The following GK variants were observed in gnomAD, a reference collection of about 807,000 sequenced individuals.
GK encodes the protein ATP:glycerol 3-phosphotransferase.
A neutral mutation model predicts 56.4 loss-of-function variants in GK; 9 were observed. The observed-to-expected ratio is 0.16, with a 90% confidence interval of 0.10 to 0.28. The LOEUF is 0.28. Ranked by LOEUF, GK falls within the 10% of genes least tolerant of loss-of-function variation. GK has a pLI of 1.00. For missense variants in GK, 161 were observed against 431.4 expected, an observed-to-expected ratio of 0.37 and a Z score of 5.55; for synonymous variants, 104 against 144.1, an observed-to-expected ratio of 0.72 and a Z score of 1.99.
Position 30,707,495 on chromosome X carries a change from A to G in GK, c.852-61A>G, listed in dbSNP as rs746628080. On this transcript the variant is annotated intron_variant, in intron 11 of 20. Coordinates refer to ENST00000427190, the MANE Select transcript of GK (RefSeq NM_001205019.2). ...GTCAGTTTTGATCATTTGTGTTATT[A>G]ATGTTTCATTATTTGCTTTCAATAA... 1.0e-4 allele frequency: 68 copies of G among 669,430 alleles called. 1 individual carries two copies. The South Asian group carries it at 1.4e-3, about 14-fold the overall frequency. 55.2% of individuals were successfully genotyped at this position (669,430 alleles called of 1,213,427 possible).
At chrX:30,699,298 A>G (rs751257715) in intron 9 of GK, among the ~76,000 whole-genome samples, 1 of 80,370 alleles carries the variant, frequency 1.2e-5, no homozygotes, top group Non-Finnish European at 2.4e-5. Context: ...GTTATACATA[A>G]CATGTATATA....
intron 10 of GK, 70 bp downstream of exon 10, chrX:30,700,519 C>A: frequency 2.3e-6 from 2 of 863,333 alleles, no homozygotes; most frequent in Admixed American, 2.4e-5. Flanking sequence ...CCTCTTAGTT[C>A]ATCAGTGTGC....
chrX:30,711,653 T>G (rs1314479431), intron 13 of GK, among the ~76,000 whole-genome samples: 1 of 111,971 alleles, frequency 8.9e-6, no homozygotes, highest in African/African-American at 3.2e-5. Context: ...CCTGGTGAGT[T>G]TCTCAGTATC....
At chrX:30,686,192 C>T (rs751831666) in intron 4 of GK, among the ~76,000 whole-genome samples, 5 of 112,829 alleles carry the variant, frequency 4.4e-5, no homozygotes, top group Non-Finnish European at 9.4e-5. Context: ...TACTTTTGGC[C>T]CCACCTGTTT....
At chrX:30,653,797 C>T (rs763225057) in intron 1 of GK, among the ~76,000 whole-genome samples, 182 bp downstream of exon 1, 9 of 112,576 alleles carry the variant, frequency 8.0e-5, no homozygotes, top group Non-Finnish European at 1.5e-4. Context: ...TGGGGGACCT[C>T]GGCCTCTCAT....
intron 1 of GK, among the ~76,000 whole-genome samples, chrX:30,663,984 CT>C: frequency 1.2e-5 from 1 of 84,049 alleles, no homozygotes; most frequent in South Asian, 4.6e-4. Context: ...TTATATATAT[CT>C]ATATATATTT....
At chrX:30,726,166 A>G (rs1937120744) in intron 19 of GK, among the ~76,000 whole-genome samples, 1 of 112,214 alleles carries the variant, frequency 8.9e-6, no homozygotes, top group African/African-American at 3.2e-5. Flanking sequence ...AAAAGATATC[A>G]TTGCTCCAAT....
chrX:30,712,717 CTTTTTT>C (rs769269247), intron 13 of GK, among the ~76,000 whole-genome samples: 90 of 48,408 alleles, frequency 1.9e-3, no homozygotes, highest in African/African-American at 8.5e-3. Flanking sequence ...TTTTTCTTTT[CTTTTTT>C]TTTTTTTTTT....
intron 9 of GK, chrX:30,700,037 A>G (rs1935560965): frequency 7.4e-6 from 1 of 135,535 alleles, no homozygotes; most frequent in African/African-American, 3.1e-5. Flanking sequence ...AATAATGGCA[A>G]TAATAGCAAA....
At chrX:30,714,229 G>A (rs915154176) in intron 13 of GK, among the ~76,000 whole-genome samples, 1 of 111,554 alleles carries the variant, frequency 9.0e-6, no homozygotes, top group African/African-American at 3.3e-5. Flanking sequence ...ATCTATTGCT[G>A]TGTAACAAGA....
chrX:30,675,787 A>AC (rs993782175), intron 3 of GK, among the ~76,000 whole-genome samples: 1 of 107,539 alleles, frequency 9.3e-6, no homozygotes, highest in African/African-American at 3.4e-5. Context: ...ACACCACCAC[A>AC]CCTGGCTAAT....
intron 13 of GK, among the ~76,000 whole-genome samples, chrX:30,714,658 T>C (rs947037126): frequency 2.7e-5 from 3 of 111,712 alleles, no homozygotes; most frequent in Non-Finnish European, 5.6e-5. Context: ...CCCATCACTT[T>C]TGACATGTAC....
intron 1 of GK, among the ~76,000 whole-genome samples, chrX:30,660,831 C>T (rs1341007100): frequency 4.6e-5 from 4 of 87,741 alleles, no homozygotes; most frequent in Non-Finnish European, 8.8e-5. Context: ...TTTTTTTTTC[C>T]GAGACGGAGT....
At chrX:30,658,911 A>G (rs1447130388) in intron 1 of GK, among the ~76,000 whole-genome samples, 1 of 112,938 alleles carries the variant, frequency 8.9e-6, no homozygotes, top group Non-Finnish European at 1.9e-5. Context: ...TGTTGACTGG[A>G]ACACTTGGAT....
At chrX:30,672,536 G>C (rs968554580) in intron 3 of GK, among the ~76,000 whole-genome samples, 3 of 112,345 alleles carry the variant, frequency 2.7e-5, no homozygotes, top group African/African-American at 9.7e-5. Context: ...TTATCAGGCC[G>C]GGCGCAGTGG....
chrX:30,710,560 G>A (rs1332831893), intron 13 of GK, among the ~76,000 whole-genome samples: 1 of 111,457 alleles, frequency 9.0e-6, no homozygotes, highest in East Asian at 2.8e-4. Context: ...ATTTCACTTG[G>A]TCATACTAAT....
chrX:30,716,774 TACA>T (rs979620738), intron 13 of GK, among the ~76,000 whole-genome samples: 3 of 111,936 alleles, frequency 2.7e-5, no homozygotes, highest in Non-Finnish European at 5.6e-5. Context: ...TCAAACTTAA[TACA>T]ACAACTTATT....
At chrX:30,676,180 T>TCCTG (rs775625390) in intron 3 of GK, among the ~76,000 whole-genome samples, 12 of 112,580 alleles carry the variant, frequency 1.1e-4, no homozygotes, top group Admixed American at 1.0e-3. Flanking sequence ...CAAGCCATCC[T>TCCTG]CCTGCCTCAG....
intron 2 of GK, among the ~76,000 whole-genome samples, chrX:30,667,100 G>A (rs185991836): frequency 9.0e-6 from 1 of 110,963 alleles, no homozygotes; most frequent in Admixed American, 9.6e-5. Flanking sequence ...CTTGCAGTGA[G>A]CCGAGATTGC....
Sources: allele counts gnomAD v4.1 joint callset (sites outside exome capture counted in the v4.1 genomes callset), GRCh38; gene constraint gnomAD v4.1.1; transcripts MANE v1.5; gene names NCBI Gene and HGNC (gene_info 2026-07-23, HGNC 2026-07-21).